The following TMEM135 variants were observed in gnomAD, a reference collection of about 807,000 sequenced individuals.
The protein encoded by TMEM135 is peroxisomal membrane protein 52.
A neutral mutation model predicts 60.3 loss-of-function variants in TMEM135; 30 were observed. That is an observed-to-expected ratio of 0.50 (90% confidence interval 0.37 to 0.68). TMEM135 has a LOEUF of 0.68. TMEM135 is among the 30% of genes least tolerant of loss of function. The pLI is 0.00. For synonymous variants in TMEM135, 190 were observed against 186.7 expected (o/e 1.02, Z -0.14); for missense variants, 468 against 548.8 (o/e 0.85, Z 1.47).
In TMEM135 at chr11:87,081,093, GT is replaced by G. The variant is rs35529723; in HGVS notation, c.362+9489del. ...AAACATCTGTGTCTTTATAATTAAAGTTTTTTTTTTTAGCAGATAATATACA... is the reference window on the plus strand; with the variant it reads ...AAACATCTGTGTCTTTATAATTAAAGTTTTTTTTTTAGCAGATAATATACA... On this transcript the variant is annotated intron_variant, in intron 3 of 14. Transcript: ENST00000305494. Among the ~76,000 whole-genome samples the G allele has an allele frequency of 1.1e-3, 168 of 149,410 alleles. 1 individual carries two copies. The highest frequency in any genetic ancestry group is 6.0e-3 in the East Asian group (31 of 5,128).
In TMEM135 at chr11:87,324,589, T is replaced by C. The variant is rs888393150; in HGVS notation, c.*3256T>C. On this transcript the variant is annotated 3_prime_UTR_variant, in exon 15 of 15. Coordinates refer to ENST00000305494, the MANE Select transcript of TMEM135 (RefSeq NM_022918.4). ...CATGTGCCACCATGCCTGGCTAATATTTATTTTATTTATTTTTTTTTTGTA... is the reference window on the plus strand; with the variant it reads ...CATGTGCCACCATGCCTGGCTAATACTTATTTTATTTATTTTTTTTTTGTA... 2 of 440,176 alleles carry C rather than the reference T, an allele frequency of 4.5e-6. No individual in the cohort carries two copies. The highest frequency in any genetic ancestry group is 8.9e-6 in the Non-Finnish European group (2 of 223,556). The allele number at this position is 440,176 out of a possible 1,614,324, so 27.3% of individuals were successfully genotyped here.
intron 4 of TMEM135, among the ~76,000 whole-genome samples, chr11:87,104,865 CAG>C (rs1302628212): frequency 1.8e-4 from 27 of 152,148 alleles, no homozygotes; most frequent in Non-Finnish European, 4.0e-4. Flanking sequence ...AGTCTACAAA[CAG>C]AGATTGTTTT....
At chr11:87,120,664 C>T (rs1242676187) in intron 4 of TMEM135, among the ~76,000 whole-genome samples, 1 of 151,908 alleles carries the variant, frequency 6.6e-6, no homozygotes, top group African/African-American at 2.4e-5. Context: ...GACAGGGCTT[C>T]ACCGTGTTGG....
intron 4 of TMEM135, among the ~76,000 whole-genome samples, chr11:87,129,630 C>A (rs1357554426): frequency 2.0e-5 from 3 of 150,534 alleles, no homozygotes; most frequent in Admixed American, 6.7e-5. Flanking sequence ...AACCTCTGCC[C>A]CCCGGGTTCA....
chr11:87,321,941 A>G lies in TMEM135; in HGVS notation c.*608A>G. The G allele has an allele frequency of 2.2e-6, 1 of 454,378 alleles. No homozygotes were observed. The highest frequency in any genetic ancestry group is 1.6e-5 in the South Asian group (1 of 64,472). The allele number at this position is 454,378 out of a possible 1,614,324, so 28.1% of individuals were successfully genotyped here. On this transcript the variant is annotated 3_prime_UTR_variant, in exon 15 of 15. Transcript: ENST00000305494. ...ATACCATTTGGATAAATGTCGTGGTATCCATGCTTTTTTTCAACTAATAAC... is the reference window on the plus strand; with the variant it reads ...ATACCATTTGGATAAATGTCGTGGTGTCCATGCTTTTTTTCAACTAATAAC...
Position 87,133,801 on chromosome 11 carries a change from T to G in TMEM135, c.397-23540T>G, listed in dbSNP as rs1055864964. On this transcript the variant is annotated intron_variant, in intron 4 of 14. Transcript: ENST00000305494. ...TGGAATCATACAGTACATACTCTCT[T>G]TTTTTATCTGGCCTCTTTCAGCATA... Among the ~76,000 whole-genome samples the G allele has an allele frequency of 6.1e-4, 26 of 42,322 alleles. No homozygotes were observed. In the East Asian group the frequency reaches 0.043, roughly 69 times the overall value. 27.8% of individuals were successfully genotyped at this position (42,322 alleles called of 152,430 possible).
chr11:87,038,001 G>A lies in TMEM135; in HGVS notation c.-45G>A, dbSNP rs1331421856. ...TGGGCTCTCGCGCCCCTCCCTGCAG[G>A]GCTCAGGCTCTCCCCCTCCTGTCTT... On this transcript the variant is annotated 5_prime_UTR_variant, in exon 1 of 15. Transcript: ENST00000305494. 6.2e-7 allele frequency: 1 copy of A among 1,611,818 alleles called. No homozygotes were observed. Among genetic ancestry groups the A allele is most frequent in the Admixed American group, 1.7e-5 (1 of 60,026 alleles).
At chr11:87,242,106 G>T (rs1941149649) in intron 6 of TMEM135, among the ~76,000 whole-genome samples, 1 of 151,074 alleles carries the variant, frequency 6.6e-6, no homozygotes, top group African/African-American at 2.4e-5. Context: ...GCGGTGTTTG[G>T]TTTTTTGTCC....
chr11:87,239,045 T>TA (rs1269086581), intron 6 of TMEM135, among the ~76,000 whole-genome samples: 10 of 152,134 alleles, frequency 6.6e-5, no homozygotes, highest in African/African-American at 2.2e-4. Flanking sequence ...TCTAGGAAAT[T>TA]ATGTTTTGAA....
chr11:87,101,068 T>C (rs1026754683), intron 4 of TMEM135, among the ~76,000 whole-genome samples: 1 of 152,180 alleles, frequency 6.6e-6, no homozygotes, highest in Admixed American at 6.5e-5. Flanking sequence ...GTACCCAATT[T>C]AAAAAATAGT....
chr11:87,280,586 A>G (rs913787370), intron 6 of TMEM135, among the ~76,000 whole-genome samples: 1 of 151,974 alleles, frequency 6.6e-6, no homozygotes, highest in African/African-American at 2.4e-5. Flanking sequence ...AACAGCCTTC[A>G]TGACACCAAA....
intron 4 of TMEM135, among the ~76,000 whole-genome samples, chr11:87,136,495 A>G (rs2135239422): frequency 6.6e-6 from 1 of 152,198 alleles, no homozygotes; most frequent in South Asian, 2.1e-4. Flanking sequence ...TGCTGCCTAG[A>G]CAACACTGCC....
intron 5 of TMEM135, among the ~76,000 whole-genome samples, chr11:87,186,978 G>T (rs960009731): frequency 1.3e-5 from 2 of 152,144 alleles, no homozygotes; most frequent in African/African-American, 4.8e-5. Flanking sequence ...AATACTATGG[G>T]TACTTTGATT....
At chr11:87,059,660 A>G (rs1340761886) in intron 1 of TMEM135, among the ~76,000 whole-genome samples, 1 of 152,128 alleles carries the variant, frequency 6.6e-6, no homozygotes, top group Admixed American at 6.5e-5. Flanking sequence ...TCTTCTTAAC[A>G]CTTAATAAAA....
intron 6 of TMEM135, among the ~76,000 whole-genome samples, chr11:87,285,471 T>C (rs764499089): frequency 2.0e-5 from 3 of 152,130 alleles, no homozygotes; most frequent in South Asian, 2.1e-4. Context: ...ATGGACTCAC[T>C]GGCTTCAGGA....
At chr11:87,226,352 T>C (rs1940764202) in intron 5 of TMEM135, among the ~76,000 whole-genome samples, 1 of 152,212 alleles carries the variant, frequency 6.6e-6, no homozygotes, top group Non-Finnish European at 1.5e-5. Flanking sequence ...TGATTTCTTG[T>C]CTTGATTGTT....
intron 5 of TMEM135, among the ~76,000 whole-genome samples, chr11:87,233,996 CT>C (rs1163686634): frequency 1.3e-5 from 2 of 152,008 alleles, no homozygotes; most frequent in Non-Finnish European, 2.9e-5. Context: ...GTTTTAAAAA[CT>C]TTTTAAAAAC....
At chr11:87,239,431 A>C (rs1320238034) in intron 6 of TMEM135, among the ~76,000 whole-genome samples, 2 of 151,612 alleles carry the variant, frequency 1.3e-5, no homozygotes, top group African/African-American at 4.8e-5. Flanking sequence ...GGGAATGAAC[A>C]AACACTATTG....
chr11:87,063,274 A>G (rs1949966968), intron 1 of TMEM135, among the ~76,000 whole-genome samples: 1 of 152,238 alleles, frequency 6.6e-6, no homozygotes, highest in African/African-American at 2.4e-5. Context: ...ATGTAAATAC[A>G]TAAATACAGA....
Sources: allele counts gnomAD v4.1 joint callset (sites outside exome capture counted in the v4.1 genomes callset), GRCh38; gene constraint gnomAD v4.1.1; transcripts MANE v1.5; gene names NCBI Gene and HGNC (gene_info 2026-07-23, HGNC 2026-07-21).